TOX: variants seen among roughly 807,000 people sequenced by gnomAD.
TOX encodes the protein thymocyte selection associated high mobility group box, also known as thymocyte selection-associated high mobility group box protein TOX.
Under a neutral mutation model 53.7 loss-of-function variants are expected in TOX, and 11 were observed. The ratio of observed to expected loss-of-function variants is 0.20; its 90% CI spans 0.13 to 0.34. The LOEUF is 0.34. Among genes scored for constraint, TOX ranks in the 10% least tolerant of loss-of-function variants. The probability of loss-of-function intolerance (pLI) is 1.00; values close to 1 mark genes in which losing one functional copy is unlikely to be tolerated. For synonymous variants in TOX, 225 were observed against 245.3 expected, an observed-to-expected ratio of 0.92 and a Z score of 0.77; for missense variants, 570 against 664.6, an observed-to-expected ratio of 0.86 and a Z score of 1.56.
At chr8:58,957,328 G>C (rs1207039432) in intron 2 of TOX, among the ~76,000 whole-genome samples, 1 of 152,188 alleles carries the variant, frequency 6.6e-6, no homozygotes, top group Non-Finnish European at 1.5e-5. Flanking sequence ...TGGTGCCAGA[G>C]TAAAATGGAA....
intron 1 of TOX, among the ~76,000 whole-genome samples, chr8:59,013,785 A>G (rs914059894): frequency 2.0e-5 from 3 of 152,220 alleles, no homozygotes; most frequent in Non-Finnish European, 4.4e-5. Context: ...TCTGAACTCA[A>G]TTGTGATAGA....
chr8:58,997,188 G>A (rs10098381), intron 1 of TOX, among the ~76,000 whole-genome samples: 12,258 of 152,250 alleles, frequency 0.081, 614 homozygotes, highest in Middle Eastern at 0.17. Flanking sequence ...ACATCAGAAA[G>A]CTGTAGCAGT....
chr8:59,103,018 G>T lies in TOX; in HGVS notation c.102+15868C>A, dbSNP rs557228317. Among the ~76,000 whole-genome samples, 15 of 152,150 alleles carry T rather than the reference G, an allele frequency of 9.9e-5. No homozygotes were observed. In the South Asian group the frequency reaches 3.1e-3, roughly 32 times the overall value. ...ATAATACCACACTTGACTATCTCCT[G>T]CCATCACTAAACATCATCAGTTTCT... On this transcript the variant is annotated intron_variant, in intron 1 of 8. Transcript: ENST00000361421.
chr8:58,871,933 C>T (rs1351682214), intron 3 of TOX, among the ~76,000 whole-genome samples: 1 of 152,062 alleles, frequency 6.6e-6, no homozygotes, highest in East Asian at 1.9e-4. Flanking sequence ...AGCAATAAAA[C>T]CCCAGTAGCA....
intron 1 of TOX, among the ~76,000 whole-genome samples, chr8:59,104,541 G>A (rs1022822742): frequency 1.3e-5 from 2 of 152,128 alleles, no homozygotes; most frequent in Non-Finnish European, 2.9e-5. Context: ...TGTCACTCAT[G>A]TATTTCCAGT....
intron 2 of TOX, among the ~76,000 whole-genome samples, chr8:58,954,444 C>G (rs1397980232): frequency 1.3e-5 from 2 of 152,156 alleles, no homozygotes; most frequent in African/African-American, 4.8e-5. Context: ...AGACATTATT[C>G]CAGGCACAGG....
At chr8:59,106,706 G>A (rs1025645227) in intron 1 of TOX, among the ~76,000 whole-genome samples, 7 of 151,880 alleles carry the variant, frequency 4.6e-5, no homozygotes, top group Admixed American at 1.3e-4. Flanking sequence ...CATTCCTGCC[G>A]GGTTGTCAAT....
In TOX at chr8:58,965,928, T is replaced by C. The variant is rs548835720; in HGVS notation, c.103-5920A>G. 1.3e-4 allele frequency among the ~76,000 whole-genome samples: 16 copies of C among 118,756 alleles called. 1 individual carries two copies. Among genetic ancestry groups the C allele is most frequent in the Non-Finnish European group, 2.8e-4 (16 of 57,894 alleles). 77.9% of individuals were successfully genotyped at this position (118,756 alleles called of 152,430 possible). A position where few individuals can be genotyped will look rare whatever the true frequency, so the allele number is the denominator to read the frequency against. On this transcript the variant is annotated intron_variant, in intron 1 of 8. Transcript: ENST00000361421. ...TTTTTTTTTTTTTTTTTTTTTTTGG[T>C]AACAGAAGAAATAAGGTTGGGCAAT... is the stretch of plus-strand genomic sequence containing the variant.
intron 3 of TOX, among the ~76,000 whole-genome samples, chr8:58,879,538 C>T (rs569335559): frequency 6.6e-5 from 8 of 120,794 alleles, no homozygotes; most frequent in Non-Finnish European, 8.4e-5. Context: ...TTAGTTATTA[C>T]GTCAAACAAA....
intron 1 of TOX, among the ~76,000 whole-genome samples, chr8:59,048,254 T>A (rs1803724750): frequency 6.6e-6 from 1 of 152,202 alleles, no homozygotes; most frequent in Non-Finnish European, 1.5e-5. Context: ...ACAAATTCTG[T>A]TCTTGACCAT....
intron 4 of TOX, among the ~76,000 whole-genome samples, chr8:58,850,818 T>C (rs1294617066): frequency 1.3e-5 from 2 of 152,208 alleles, no homozygotes; most frequent in African/African-American, 4.8e-5. Flanking sequence ...AAGTTAACCA[T>C]GTATATCAGG....
intron 1 of TOX, among the ~76,000 whole-genome samples, chr8:59,001,500 T>C (rs1813688599): frequency 6.6e-6 from 1 of 152,162 alleles, no homozygotes; most frequent in Non-Finnish European, 1.5e-5. Context: ...GGATGTGAAC[T>C]GAGAAGACTG....
intron 1 of TOX, among the ~76,000 whole-genome samples, chr8:58,965,897 T>C (rs1194805708): frequency 5.7e-5 from 6 of 105,576 alleles, no homozygotes; most frequent in African/African-American, 2.1e-4. Context: ...AGTCATCGTT[T>C]TTTTTTTTTT....
chr8:58,951,938 A>G (rs1812628859), intron 2 of TOX, among the ~76,000 whole-genome samples: 1 of 152,220 alleles, frequency 6.6e-6, no homozygotes, highest in East Asian at 1.9e-4. Flanking sequence ...AAACACTCAA[A>G]CTGTAAAATA....
intron 1 of TOX, among the ~76,000 whole-genome samples, chr8:58,978,102 A>T (rs1813136830): frequency 6.6e-6 from 1 of 152,210 alleles, no homozygotes; most frequent in Admixed American, 6.5e-5. Flanking sequence ...CCCAATTGCA[A>T]TTTAATGGGT....
intron 1 of TOX, among the ~76,000 whole-genome samples, chr8:59,107,157 A>C (rs573668589): frequency 6.6e-6 from 1 of 152,136 alleles, no homozygotes; most frequent in South Asian, 2.1e-4. Context: ...TGACCAACCA[A>C]TCTATAAACC....
intron 1 of TOX, among the ~76,000 whole-genome samples, chr8:59,017,493 A>T (rs759625800): frequency 1.3e-5 from 2 of 152,208 alleles, no homozygotes; most frequent in Non-Finnish European, 2.9e-5. Flanking sequence ...GTCTGTCTTA[A>T]ACTAGTATTG....
At chr8:58,944,202 G>A (rs1375192) in intron 2 of TOX, among the ~76,000 whole-genome samples, 46,235 of 152,068 alleles carry the variant, frequency 0.3, 7,324 homozygotes, top group East Asian at 0.4. Flanking sequence ...TCACTCTGCG[G>A]ATGGGAAGCA....
At chr8:59,082,915 T>G (rs1004964670) in intron 1 of TOX, among the ~76,000 whole-genome samples, 2 of 152,234 alleles carry the variant, frequency 1.3e-5, no homozygotes, top group Non-Finnish European at 2.9e-5. Context: ...TTATCCAATT[T>G]CATTTCTCCC....
Sources: allele counts gnomAD v4.1 joint callset (sites outside exome capture counted in the v4.1 genomes callset), GRCh38; gene constraint gnomAD v4.1.1; transcripts MANE v1.5; gene names NCBI Gene and HGNC (gene_info 2026-07-23, HGNC 2026-07-21).